RFTN2: variants seen among roughly 807,000 people sequenced by gnomAD.
RFTN2 encodes raftlin-2.
Under a neutral mutation model 52.7 loss-of-function variants are expected in RFTN2, and 34 were observed. That is an observed-to-expected ratio of 0.64 (90% confidence interval 0.49 to 0.86). RFTN2 has a LOEUF of 0.86. Among genes scored for constraint, RFTN2 ranks in the 40% least tolerant of loss-of-function variants. The pLI, the probability that RFTN2 is intolerant of heterozygous loss-of-function variation, is 0.00. For synonymous variants in RFTN2, 203 were observed against 217.7 expected, an observed-to-expected ratio of 0.93 and a Z score of 0.59; for missense variants, 536 against 600.1, an observed-to-expected ratio of 0.89 and a Z score of 1.12.
At chr2:197,626,656 C>G in intron 5 of RFTN2, among the ~76,000 whole-genome samples, 1 of 117,386 alleles carries the variant, frequency 8.5e-6, no homozygotes, top group East Asian at 2.7e-4. Flanking sequence ...GAGTCTTGCA[C>G]TGTCGCCTGG....
chr2:197,583,391 CT>C (rs1231792701), intron 8 of RFTN2, among the ~76,000 whole-genome samples: 1 of 152,174 alleles, frequency 6.6e-6, no homozygotes, highest in Non-Finnish European at 1.5e-5. Context: ...CATTTCTTCC[CT>C]TCTGTCAGAT....
rs138860159 is a variant in RFTN2 at position 197,626,562 on chromosome 2, C to CAAATAAATAAATAAATAAATAAAT, written c.928+4425_928+4448dup. ...CTGGGTGACAGTGAGACCCCATCTA[C>CAAATAAATAAATAAATAAATAAAT]AAATAAATAAATAAATAAATAAATA... On this transcript the variant is annotated intron_variant, in intron 5 of 8. Coordinates refer to ENST00000295049, the MANE Select transcript of RFTN2 (RefSeq NM_144629.3). Among the ~76,000 whole-genome samples the CAAATAAATAAATAAATAAATAAAT allele has an allele frequency of 4.3e-3, 529 of 124,044 alleles. 12 individuals are homozygous for CAAATAAATAAATAAATAAATAAAT. Among genetic ancestry groups the CAAATAAATAAATAAATAAATAAAT allele is most frequent in the African/African-American group, 0.015 (476 of 31,474 alleles). The allele number at this position is 124,044 out of a possible 152,430, so 81.4% of individuals were successfully genotyped here. A position where few individuals can be genotyped will look rare whatever the true frequency, so the allele number is the denominator to read the frequency against.
intron 8 of RFTN2, among the ~76,000 whole-genome samples, chr2:197,585,579 C>G (rs571934474): frequency 1.3e-5 from 2 of 152,302 alleles, no homozygotes; most frequent in East Asian, 3.9e-4. Flanking sequence ...CTCTCCCCAG[C>G]TATCTCCACC....
chr2:197,587,671 C>A (rs2087624111), intron 8 of RFTN2, among the ~76,000 whole-genome samples: 1 of 152,166 alleles, frequency 6.6e-6, no homozygotes, highest in Non-Finnish European at 1.5e-5. Flanking sequence ...GATTAAAAAG[C>A]TTTATTGCTC....
intron 8 of RFTN2, among the ~76,000 whole-genome samples, chr2:197,586,475 C>T (rs1320019849): frequency 1.3e-5 from 2 of 152,192 alleles, no homozygotes; most frequent in Non-Finnish European, 2.9e-5. Flanking sequence ...TCTGTGTATC[C>T]TCTACCTACA....
chr2:197,665,661 A>G (rs907429538), intron 1 of RFTN2, among the ~76,000 whole-genome samples: 6 of 151,830 alleles, frequency 4.0e-5, no homozygotes, highest in African/African-American at 1.5e-4. Context: ...ATGTGTCTGT[A>G]TAGGTAAAGT....
intron 8 of RFTN2, chr2:197,588,058 G>T (rs2087630256): frequency 2.2e-6 from 1 of 461,050 alleles, no homozygotes. Flanking sequence ...TAAAAGATTT[G>T]TGTGTTTCCT....
intron 1 of RFTN2, among the ~76,000 whole-genome samples, chr2:197,653,794 C>T (rs1451429114): frequency 6.6e-6 from 1 of 152,166 alleles, no homozygotes; most frequent in Non-Finnish European, 1.5e-5. Context: ...GGCATGGAGC[C>T]ACCTCCCCTT....
chr2:197,590,281 T>C (rs538402609), intron 8 of RFTN2, among the ~76,000 whole-genome samples: 1 of 152,172 alleles, frequency 6.6e-6, no homozygotes, highest in Non-Finnish European at 1.5e-5. Flanking sequence ...CTAGTTTAAC[T>C]AAAATGAATT....
chr2:197,585,168 A>C (rs777642737), intron 8 of RFTN2, among the ~76,000 whole-genome samples: 7 of 152,194 alleles, frequency 4.6e-5, no homozygotes, highest in Non-Finnish European at 8.8e-5. Flanking sequence ...GAACAGTAAT[A>C]ACCCTCATGA....
chr2:197,673,342 G>T (rs570730364), intron 1 of RFTN2, among the ~76,000 whole-genome samples: 1 of 152,308 alleles, frequency 6.6e-6, no homozygotes, highest in African/African-American at 2.4e-5. Context: ...GACAACAGAA[G>T]AGCAGCAGGG....
At chr2:197,604,552 C>T (rs1318609431) in intron 7 of RFTN2, among the ~76,000 whole-genome samples, 1 of 152,058 alleles carries the variant, frequency 6.6e-6, no homozygotes, top group African/African-American at 2.4e-5. Flanking sequence ...AGTGGTAAAA[C>T]TATTAGGCAA....
chr2:197,574,109 G>A (rs1378141650), intron 8 of RFTN2, among the ~76,000 whole-genome samples: 1 of 152,244 alleles, frequency 6.6e-6, no homozygotes, highest in Non-Finnish European at 1.5e-5. Context: ...CTGCCTAGTG[G>A]AGCTGTGAGA....
intron 4 of RFTN2, among the ~76,000 whole-genome samples, chr2:197,633,003 T>C (rs1290279926): frequency 2.0e-5 from 3 of 152,190 alleles, no homozygotes; most frequent in Non-Finnish European, 4.4e-5. Context: ...TATAAAGAAA[T>C]TGAGGTATCT....
intron 7 of RFTN2, among the ~76,000 whole-genome samples, chr2:197,608,900 GT>G (rs2088009027): frequency 6.6e-6 from 1 of 151,598 alleles, no homozygotes; most frequent in Non-Finnish European, 1.5e-5. Flanking sequence ...TTCTCTTCTT[GT>G]GTTACTTTAC....
At position 197,675,587 on chromosome 2, in the gene RFTN2, C is replaced by A. The variant is rs1442768445; in HGVS notation, c.-129G>T. 6 of 15,802 alleles carry A rather than the reference C, an allele frequency of 3.8e-4. No individual in the cohort carries two copies. Among genetic ancestry groups the A allele is most frequent in the Non-Finnish European group, 6.8e-4 (5 of 7,336 alleles). The allele number at this position is 15,802 out of a possible 1,614,324, so 1.0% of individuals were successfully genotyped here. A position where few individuals can be genotyped will look rare whatever the true frequency, so the allele number is the denominator to read the frequency against. ...TTGTTTTCAGCTAAACTATAGATAA[C>A]CAAAAAAAAAAAAAAAAGCAAAAAC... On this transcript the variant is annotated 5_prime_UTR_variant, in exon 1 of 9. Coordinates refer to ENST00000295049, the MANE Select transcript of RFTN2 (RefSeq NM_144629.3).
chr2:197,656,766 C>T (rs16867018), intron 1 of RFTN2, among the ~76,000 whole-genome samples: 28,451 of 152,090 alleles, frequency 0.19, 2,788 homozygotes, highest in Middle Eastern at 0.27. Context: ...GATCTTGGGT[C>T]TCTAACTGAG....
At chr2:197,590,613 G>T (rs1484352637) in intron 8 of RFTN2, among the ~76,000 whole-genome samples, 1 of 152,176 alleles carries the variant, frequency 6.6e-6, no homozygotes, top group African/African-American at 2.4e-5. Flanking sequence ...CACGGTGAGT[G>T]TTATGGTTCT....
chr2:197,633,401 T>C (rs1015648914), intron 4 of RFTN2, among the ~76,000 whole-genome samples: 3 of 152,168 alleles, frequency 2.0e-5, no homozygotes, highest in East Asian at 1.9e-4. Context: ...TTAGACCTAA[T>C]AGACTCACTT....
Sources: gnomAD v4.1 joint callset for allele counts (sites outside exome capture counted in the v4.1 genomes callset) on GRCh38, gnomAD v4.1.1 for gene constraint, MANE v1.5 for transcripts, NCBI Gene and HGNC (gene_info 2026-07-23, HGNC 2026-07-21) for gene names.